TCF7L1: variants seen among roughly 807,000 people sequenced by gnomAD.
TCF7L1 encodes the protein transcription factor 7 like 1.
In TCF7L1, 18 loss-of-function variants were observed where a neutral mutation model predicts 63.7. The ratio of observed to expected loss-of-function variants is 0.28; its 90% CI spans 0.20 to 0.42. The LOEUF is 0.42. TCF7L1 is among the 10% of genes least tolerant of loss of function. The probability of loss-of-function intolerance (pLI) is 1.00; values close to 1 mark genes in which losing one functional copy is unlikely to be tolerated. For missense variants in TCF7L1, 654 were observed against 779.3 expected (o/e 0.84, Z 1.91); for synonymous variants, 355 against 340.9 (o/e 1.04, Z -0.46).
At chr2:85,291,162 A>G (rs1681705992) in intron 4 of TCF7L1, among the ~76,000 whole-genome samples, 1 of 152,206 alleles carries the variant, frequency 6.6e-6, no homozygotes, top group African/African-American at 2.4e-5. Context: ...GTCCAGCCAC[A>G]CCATTGGTGT....
chr2:85,288,001 A>G (rs1336603455), intron 4 of TCF7L1, among the ~76,000 whole-genome samples: 3 of 152,202 alleles, frequency 2.0e-5, no homozygotes, highest in Admixed American at 6.5e-5. Context: ...GTGTATTGTA[A>G]TGAGTCTAGA....
At chr2:85,230,180 CCT>C (rs747198505) in intron 3 of TCF7L1, among the ~76,000 whole-genome samples, 1 of 152,266 alleles carries the variant, frequency 6.6e-6, no homozygotes, top group South Asian at 2.1e-4. Context: ...AGTTGACTCC[CCT>C]GTTTCCTTGT....
chr2:85,138,515 A>G (rs1677648363), intron 3 of TCF7L1, among the ~76,000 whole-genome samples: 1 of 152,054 alleles, frequency 6.6e-6, no homozygotes, highest in Admixed American at 6.5e-5. Context: ...TTTTTTCTAA[A>G]TATAACTCAG....
intron 3 of TCF7L1, among the ~76,000 whole-genome samples, chr2:85,228,295 C>T (rs1187225523): frequency 1.3e-5 from 2 of 152,128 alleles, no homozygotes; most frequent in African/African-American, 4.8e-5. Flanking sequence ...GTGGTGCACG[C>T]CTGTAGTCTC....
At chr2:85,259,592 C>T (rs556125582) in intron 3 of TCF7L1, among the ~76,000 whole-genome samples, 1 of 152,262 alleles carries the variant, frequency 6.6e-6, no homozygotes, top group South Asian at 2.1e-4. Flanking sequence ...GATTGTGTGT[C>T]TCAAGGGGTA....
chr2:85,263,114 T>C (rs1680892649), intron 3 of TCF7L1, among the ~76,000 whole-genome samples: 1 of 152,216 alleles, frequency 6.6e-6, no homozygotes, highest in Non-Finnish European at 1.5e-5. Context: ...GTCCAGTCAC[T>C]GGCAAAAGCA....
intron 3 of TCF7L1, among the ~76,000 whole-genome samples, chr2:85,180,216 T>TTTTTG (rs1553396766): frequency 6.6e-6 from 1 of 151,412 alleles, no homozygotes; most frequent in Non-Finnish European, 1.5e-5. Context: ...AGTGGTTTTT[T>TTTTTG]TTTTTGTTTT....
intron 3 of TCF7L1, among the ~76,000 whole-genome samples, chr2:85,246,402 G>C (rs1680464772): frequency 6.6e-6 from 1 of 152,240 alleles, no homozygotes; most frequent in African/African-American, 2.4e-5. Context: ...CAGAGCAGAA[G>C]GGAGCTCACC....
chr2:85,184,590 A>T (rs1228695714), intron 3 of TCF7L1, among the ~76,000 whole-genome samples: 1 of 152,102 alleles, frequency 6.6e-6, no homozygotes, highest in African/African-American at 2.4e-5. Flanking sequence ...ATGCAGGTGG[A>T]AGGCCAGATT....
intron 3 of TCF7L1, among the ~76,000 whole-genome samples, chr2:85,236,160 G>A (rs1045845444): frequency 5.1e-5 from 7 of 136,588 alleles, no homozygotes; most frequent in African/African-American, 2.5e-4. Context: ...CTCAAACCAC[G>A]CCATCCCCCC....
At position 85,309,005 on chromosome 2, in the gene TCF7L1, CTCTT is replaced by C. The variant is rs201388834; in HGVS notation, c.1334-19_1334-16del. On this transcript the variant is annotated intron_variant, in intron 11 of 11. Transcript: ENST00000282111. ...CCTCTCACAGAGCTATAGCTGCTCA[CTCTT>C]TCTTGTATTTTCCCCCTAGGTGCCC... The C allele has an allele frequency of 0.01, 15,837 of 1,563,806 alleles. 118 individuals are homozygous for C. The highest frequency in any genetic ancestry group is 0.039 in the Middle Eastern group (226 of 5,740).
rs568338782 is a variant in TCF7L1, at chr2:85,170,748, A to AT, written c.441+36304dup. ...CACTCAGAGTGGAGTTTTGAAAGTG[A>AT]TTTTTTCCCGTCTGCCCAGGAAGCC... On this transcript the variant is annotated intron_variant, in intron 3 of 11. Coordinates refer to ENST00000282111, the MANE Select transcript of TCF7L1 (RefSeq NM_031283.3). Among the ~76,000 whole-genome samples, 47 of 152,140 alleles carry AT rather than the reference A, an allele frequency of 3.1e-4. 1 individual carries two copies. Among genetic ancestry groups the AT allele is most frequent in the Admixed American group, 2.5e-3 (38 of 15,274 alleles).
At chr2:85,262,826 G>A (rs945514209) in intron 3 of TCF7L1, among the ~76,000 whole-genome samples, 4 of 152,132 alleles carry the variant, frequency 2.6e-5, no homozygotes, top group African/African-American at 4.8e-5. Context: ...TCATGGACCC[G>A]GGAAGAAATG....
intron 3 of TCF7L1, among the ~76,000 whole-genome samples, chr2:85,182,844 T>G (rs2104252711): frequency 6.6e-6 from 1 of 152,288 alleles, no homozygotes; most frequent in East Asian, 1.9e-4. Context: ...ACTTGGAGTG[T>G]CAGAATCACC....
intron 3 of TCF7L1, among the ~76,000 whole-genome samples, chr2:85,223,051 T>G (rs1281302439): frequency 6.6e-6 from 1 of 152,140 alleles, no homozygotes; most frequent in Non-Finnish European, 1.5e-5. Flanking sequence ...ATTATATTGT[T>G]CTCTCTACTT....
intron 3 of TCF7L1, among the ~76,000 whole-genome samples, chr2:85,223,419 A>C (rs1679890501): frequency 6.6e-6 from 1 of 152,158 alleles, no homozygotes; most frequent in African/African-American, 2.4e-5. Flanking sequence ...CCCAGGTAGA[A>C]GTTAGAGTGT....
intron 3 of TCF7L1, among the ~76,000 whole-genome samples, chr2:85,142,694 G>A (rs989224186): frequency 8.6e-5 from 13 of 151,984 alleles, no homozygotes; most frequent in African/African-American, 2.7e-4. Context: ...CTCCCAAACC[G>A]GATTAGATAT....
chr2:85,227,992 C>CA (rs34769307), intron 3 of TCF7L1, among the ~76,000 whole-genome samples: 20,696 of 77,160 alleles, frequency 0.27, 1,998 homozygotes, highest in East Asian at 0.54. Flanking sequence ...ACCCTGTCTC[C>CA]AAAAAAAAAA....
chr2:85,270,222 C>G (rs995296391), intron 3 of TCF7L1, among the ~76,000 whole-genome samples: 4 of 152,250 alleles, frequency 2.6e-5, no homozygotes, highest in Admixed American at 2.6e-4. Flanking sequence ...CCTTTCTCCT[C>G]AATACCTGGG....
Sources: allele counts gnomAD v4.1 joint callset (sites outside exome capture counted in the v4.1 genomes callset), GRCh38; gene constraint gnomAD v4.1.1; transcripts MANE v1.5; gene names NCBI Gene and HGNC (gene_info 2026-07-23, HGNC 2026-07-21).